FAAH2: variants seen among roughly 807,000 people sequenced by gnomAD.
The protein encoded by FAAH2 is fatty-acid amide hydrolase 2.
Under a neutral mutation model 36.9 loss-of-function variants are expected in FAAH2, and 60 were observed. The observed-to-expected ratio is 1.63, with a 90% CI of 1.32 to 2.02. The LOEUF (loss-of-function observed/expected upper bound fraction) is 2.02. Among genes scored for constraint, FAAH2 ranks in the 30% most tolerant of loss-of-function variants. The pLI, the probability that FAAH2 is intolerant of heterozygous loss-of-function variation, is 0.00. For synonymous variants in FAAH2, 214 were observed against 143.8 expected (o/e 1.49, Z -3.49); for missense variants, 689 against 397.5 (o/e 1.73, Z -6.23).
At chrX:57,314,724 AT>A (rs1381065332) in intron 3 of FAAH2, among the ~76,000 whole-genome samples, 3 of 111,175 alleles carry the variant, frequency 2.7e-5, no homozygotes, top group African/African-American at 6.5e-5. Context: ...AACAAAAAAA[AT>A]CTCTAAAATT....
At chrX:57,351,095 A>T (rs2053987187) in intron 5 of FAAH2, among the ~76,000 whole-genome samples, 1 of 111,642 alleles carries the variant, frequency 9.0e-6, no homozygotes, top group African/African-American at 3.2e-5. Flanking sequence ...AGGCCACAAG[A>T]AAAAGCTTCA....
At chrX:57,172,486 C>G in the FAAH2 span, among the ~76,000 whole-genome samples, 1 of 111,397 alleles carries the variant, frequency 9.0e-6, no homozygotes, top group Admixed American at 9.5e-5. Flanking sequence ...CTATCGTGTG[C>G]TCTTTTAGCT....
intron 3 of FAAH2, among the ~76,000 whole-genome samples, chrX:57,328,280 G>T (rs1219893465): frequency 9.0e-6 from 1 of 111,601 alleles, no homozygotes; most frequent in South Asian, 3.8e-4. Flanking sequence ...AGGGTACTCG[G>T]GGGTCAGGAC....
rs1477832273 is a variant in FAAH2, at chrX:57,432,039, T to C, written c.1116+2T>C. 5.9e-6 allele frequency: 7 copies of C among 1,189,624 alleles called. No individual in the cohort carries two copies. In the South Asian group the frequency reaches 9.4e-5, roughly 16 times the overall value. ...TCAGCAAAGGGACATGATGGGAAGG[T>C]ATTTTTACCTCTTTCTTTACTTACT... On this transcript the variant is annotated splice_donor_variant, in intron 8 of 10. Transcript: ENST00000374900. LOFTEE classifies it high-confidence loss of function.
chrX:57,341,544 A>C (rs967180738), intron 5 of FAAH2, among the ~76,000 whole-genome samples, 154 bp downstream of exon 5: 3 of 110,712 alleles, frequency 2.7e-5, no homozygotes, highest in Non-Finnish European at 5.7e-5. Context: ...TTGAGCACCA[A>C]CTCTGGGATT....
the FAAH2 span, among the ~76,000 whole-genome samples, chrX:57,148,941 C>A: frequency 3.6e-5 from 4 of 111,617 alleles, 1 homozygote; most frequent in Admixed American, 1.9e-4. Flanking sequence ...CCCGTCATAC[C>A]TAATTTATTG....
chrX:57,124,678 C>T, the FAAH2 span, among the ~76,000 whole-genome samples: 2 of 111,346 alleles, frequency 1.8e-5, no homozygotes, highest in African/African-American at 6.5e-5. Flanking sequence ...CTTTTATTTC[C>T]TTGTGCAGTG....
At chrX:57,439,681 C>T (rs1384948815) in intron 8 of FAAH2, among the ~76,000 whole-genome samples, 1 of 111,797 alleles carries the variant, frequency 8.9e-6, no homozygotes, top group Non-Finnish European at 1.9e-5. Flanking sequence ...TTGCACATGC[C>T]TATGTCCTGA....
intron 10 of FAAH2, among the ~76,000 whole-genome samples, chrX:57,479,408 C>T (rs1008054826): frequency 9.0e-6 from 1 of 111,434 alleles, no homozygotes; most frequent in Non-Finnish European, 1.9e-5. Context: ...ATGGGGTTTT[C>T]TAGATATACA....
intron 10 of FAAH2, among the ~76,000 whole-genome samples, chrX:57,459,675 C>T (rs781721814): frequency 7.1e-5 from 8 of 112,451 alleles, no homozygotes; most frequent in African/African-American, 2.6e-4. Flanking sequence ...TGCTGTTCTG[C>T]AGCCTCTGCT....
chrX:57,232,379 A>T, the FAAH2 span, among the ~76,000 whole-genome samples: 2 of 112,182 alleles, frequency 1.8e-5, no homozygotes, highest in Non-Finnish European at 3.8e-5. Context: ...ATTGTTCTCA[A>T]TGGGGAACTA....
chrX:57,439,605 A>G (rs1473321827), intron 8 of FAAH2, among the ~76,000 whole-genome samples: 3 of 111,390 alleles, frequency 2.7e-5, no homozygotes, highest in Middle Eastern at 4.2e-3. Flanking sequence ...CTTTAGTTTA[A>G]TTAGATGCCA....
chrX:57,256,484 A>T, the FAAH2 span, among the ~76,000 whole-genome samples: 3 of 111,846 alleles, frequency 2.7e-5, no homozygotes, highest in Non-Finnish European at 5.6e-5. Context: ...GGCAAAAAGA[A>T]AAAAGTTGAA....
the FAAH2 span, among the ~76,000 whole-genome samples, chrX:57,235,059 C>T: frequency 9.0e-6 from 1 of 110,530 alleles, no homozygotes; most frequent in Non-Finnish European, 1.9e-5. Context: ...GACTGGGGGC[C>T]CTTGCTGTAT....
chrX:57,481,868 C>T (rs1270585464), intron 10 of FAAH2, among the ~76,000 whole-genome samples: 2 of 112,048 alleles, frequency 1.8e-5, no homozygotes, highest in Admixed American at 9.4e-5. Context: ...TACCCCTTCC[C>T]CCAGATGCTC....
intron 5 of FAAH2, among the ~76,000 whole-genome samples, chrX:57,361,348 G>A (rs1257141651): frequency 9.1e-6 from 1 of 110,347 alleles, no homozygotes; most frequent in Non-Finnish European, 1.9e-5. Flanking sequence ...GCATGTTGTT[G>A]CTCTTCTAGT....
chrX:57,149,124 A>T, the FAAH2 span, among the ~76,000 whole-genome samples: 2 of 111,715 alleles, frequency 1.8e-5, no homozygotes, highest in South Asian at 7.6e-4. Flanking sequence ...ATCATGGTGG[A>T]TAAGCTTTTT....
chrX:57,158,901 A>G, the FAAH2 span, among the ~76,000 whole-genome samples: 2 of 112,149 alleles, frequency 1.8e-5, no homozygotes, highest in African/African-American at 6.5e-5. Flanking sequence ...TTGGCGTTTT[A>G]GACATGAAGT....
intron 8 of FAAH2, among the ~76,000 whole-genome samples, chrX:57,434,968 A>T (rs2056379408): frequency 9.0e-6 from 1 of 111,413 alleles, no homozygotes; most frequent in Non-Finnish European, 1.9e-5. Context: ...ATGGAATGGG[A>T]TTTACAAATT....
Sources: gnomAD v4.1 joint callset for allele counts (sites outside exome capture counted in the v4.1 genomes callset) on GRCh38, gnomAD v4.1.1 for gene constraint, MANE v1.5 for transcripts, NCBI Gene and HGNC (gene_info 2026-07-23, HGNC 2026-07-21) for gene names.